PTPN13: variants seen among roughly 807,000 people sequenced by gnomAD.
PTPN13 encodes protein tyrosine phosphatase non-receptor type 13.
Under a neutral mutation model 284.0 loss-of-function variants are expected in PTPN13, and 191 were observed. The ratio of observed to expected loss-of-function variants is 0.67; its 90% confidence interval spans 0.60 to 0.76. PTPN13 has a LOEUF of 0.76. Among genes scored for constraint, PTPN13 ranks in the 30% least tolerant of loss-of-function variants. The pLI is 0.00. For missense variants in PTPN13, 2,797 were observed against 2,939.9 expected (o/e 0.95, Z 1.12); for synonymous variants, 986 against 1,022.3 (o/e 0.96, Z 0.68).
chr4:86,697,145 A>G (rs780566821), intron 6 of PTPN13, among the ~76,000 whole-genome samples: 1 of 152,142 alleles, frequency 6.6e-6, no homozygotes, highest in Non-Finnish European at 1.5e-5. Context: ...CACCTAGGAC[A>G]CTTGGCAGTG....
chr4:86,653,094 T>A (rs1405077818), intron 2 of PTPN13, among the ~76,000 whole-genome samples: 1 of 152,120 alleles, frequency 6.6e-6, no homozygotes, highest in Admixed American at 6.5e-5. Context: ...ACTTGATTTT[T>A]AAAATTTTAA....
At chr4:86,655,896 G>A (rs1222340449) in intron 2 of PTPN13, among the ~76,000 whole-genome samples, 1 of 151,996 alleles carries the variant, frequency 6.6e-6, no homozygotes, top group African/African-American at 2.4e-5. Context: ...ACGTAGATTT[G>A]GTCTTTTGAC....
At chr4:86,699,944 T>C (rs1241094901) in intron 6 of PTPN13, among the ~76,000 whole-genome samples, 19 of 152,318 alleles carry the variant, frequency 1.2e-4, no homozygotes, top group Admixed American at 5.2e-4. Flanking sequence ...TGTGACAATC[T>C]GTGTCTGGAT....
intron 1 of PTPN13, among the ~76,000 whole-genome samples, chr4:86,608,885 A>G (rs146483841): frequency 2.0e-5 from 3 of 152,302 alleles, no homozygotes; most frequent in Non-Finnish European, 2.9e-5. Flanking sequence ...GGTTGATGGC[A>G]GTTATTTACA....
At chr4:86,782,366 T>TTA (rs1741418190) in intron 37 of PTPN13, 104 bp downstream of exon 37, 1 of 1,094,278 alleles carries the variant, frequency 9.1e-7, no homozygotes, top group Non-Finnish European at 1.4e-6. Context: ...TTTGTCTTCT[T>TTA]TAGATATTCA....
At chr4:86,647,649 T>C (rs1724594843) in intron 2 of PTPN13, among the ~76,000 whole-genome samples, 1 of 152,100 alleles carries the variant, frequency 6.6e-6, no homozygotes, top group Non-Finnish European at 1.5e-5. Context: ...TAACCCCTAA[T>C]AACCTCCAAA....
intron 21 of PTPN13, 150 bp downstream of exon 21, chr4:86,758,499 C>T (rs1738275045): frequency 1.7e-5 from 15 of 897,466 alleles, no homozygotes; most frequent in Non-Finnish European, 2.4e-5. Context: ...ACCTACCCGC[C>T]CAGTCACCAA....
intron 45 of PTPN13, among the ~76,000 whole-genome samples, chr4:86,809,100 G>T (rs1744947086): frequency 6.6e-6 from 1 of 152,098 alleles, no homozygotes; most frequent in South Asian, 2.1e-4. Flanking sequence ...AGTGGCCATG[G>T]GGAAAGAGAG....
chr4:86,632,502 G>T (rs1319721875), intron 1 of PTPN13, among the ~76,000 whole-genome samples: 1 of 151,942 alleles, frequency 6.6e-6, no homozygotes, highest in African/African-American at 2.4e-5. Context: ...TCCTTCACTG[G>T]AACTACACTA....
Position 86,762,827 on chromosome 4 carries a change from C to T in PTPN13, c.3654C>T (p.His1218=). Residue 1218 remains histidine (H), a synonymous_variant, in exon 24 of 48, where the codon CAC becomes CAT. Coordinates refer to ENST00000411767, the MANE Select transcript of PTPN13 (RefSeq NM_080683.3). ...CTATAGATTCTTCTTCCAAGGATCA[C>T]CACTGGTCACGTGGTACCCTGAGGC... ...DSAIDSSSKD[H]HWSRGTLRHI... 6.2e-7 allele frequency: 1 copy of T among 1,613,912 alleles called. No homozygotes were observed. The highest frequency in any genetic ancestry group is 8.5e-7 in the Non-Finnish European group (1 of 1,179,832).
In PTPN13 at chr4:86,782,253, A is replaced by C. The variant is rs766725314; in HGVS notation, c.6015A>C (p.Ser2005=). The C allele has an allele frequency of 6.2e-7, 1 of 1,605,700 alleles. No individual in the cohort carries two copies. Among genetic ancestry groups the C allele is most frequent in the Non-Finnish European group, 8.5e-7 (1 of 1,172,500 alleles). ...AGCCTGCCCTCACTCCTAATGATTCATTCTCCACGGTAAGAAAAAGCCCAC... is the reference window on the plus strand; with the variant it reads ...AGCCTGCCCTCACTCCTAATGATTCCTTCTCCACGGTAAGAAAAAGCCCAC... ...CSQPALTPND[S]FSTVAGEEIN... is the part of the protein sequence containing the mutation. Residue 2005 remains serine, a synonymous_variant, in exon 37 of 48, where the codon TCA becomes TCC. Coordinates refer to ENST00000411767, the MANE Select transcript of PTPN13 (RefSeq NM_080683.3).
chr4:86,671,712 A>G (rs147227598), intron 2 of PTPN13, among the ~76,000 whole-genome samples: 3 of 152,338 alleles, frequency 2.0e-5, no homozygotes, highest in Admixed American at 6.5e-5. Flanking sequence ...GAAATAATGA[A>G]CAAATGTAAA....
At chr4:86,633,983 A>G (rs754150654) in intron 1 of PTPN13, among the ~76,000 whole-genome samples, 19 of 152,208 alleles carry the variant, frequency 1.2e-4, no homozygotes, top group Non-Finnish European at 1.9e-4. Context: ...ATATAAGTAG[A>G]CACCCTGGAG....
intron 3 of PTPN13, among the ~76,000 whole-genome samples, chr4:86,679,372 T>C (rs1291421849): frequency 6.6e-6 from 1 of 152,204 alleles, no homozygotes; most frequent in Non-Finnish European, 1.5e-5. Context: ...CTGTTTGTCC[T>C]CCTCATTATT....
At chr4:86,622,720 T>C (rs1721395877) in intron 1 of PTPN13, among the ~76,000 whole-genome samples, 1 of 152,212 alleles carries the variant, frequency 6.6e-6, no homozygotes, top group Admixed American at 6.5e-5. Flanking sequence ...TTCATCTCTC[T>C]GTCCTTGGAT....
chr4:86,700,796 A>G (rs1265576049), intron 6 of PTPN13, among the ~76,000 whole-genome samples: 2 of 152,210 alleles, frequency 1.3e-5, no homozygotes, highest in African/African-American at 4.8e-5. Flanking sequence ...AAATGTATGT[A>G]TTTAAAAGAT....
intron 40 of PTPN13, among the ~76,000 whole-genome samples, chr4:86,794,601 G>C (rs1743100095): frequency 1.3e-5 from 2 of 152,066 alleles, no homozygotes; most frequent in Admixed American, 6.5e-5. Context: ...ACAATCCTAA[G>C]CAAAAAGAAC....
intron 6 of PTPN13, among the ~76,000 whole-genome samples, chr4:86,700,793 T>C (rs934795280): frequency 2.6e-5 from 4 of 152,186 alleles, no homozygotes; most frequent in Admixed American, 2.6e-4. Context: ...CTTAAATGTA[T>C]GTATTTAAAA....
intron 42 of PTPN13, 90 bp from the exon 43 acceptor site, chr4:86,803,619 T>A: frequency 1.5e-6 from 2 of 1,316,872 alleles, no homozygotes; most frequent in South Asian, 1.3e-5. Context: ...CTTTCCCTTT[T>A]GTAAGATGAG....
Sources: allele counts gnomAD v4.1 joint callset (sites outside exome capture counted in the v4.1 genomes callset), GRCh38; gene constraint gnomAD v4.1.1; transcripts MANE v1.5; gene names NCBI Gene and HGNC (gene_info 2026-07-23, HGNC 2026-07-21).